Variants in SMYD3 observed in about 807,000 individuals in gnomAD.
SMYD3 encodes histone-lysine N-methyltransferase SMYD3.
Under a neutral mutation model 57.7 loss-of-function variants are expected in SMYD3, and 36 were observed. That is an observed-to-expected ratio of 0.62 (90% confidence interval 0.48 to 0.82). SMYD3 has a LOEUF of 0.82. Among genes scored for constraint, SMYD3 ranks in the 40% least tolerant of loss-of-function variants. SMYD3 has a pLI of 0.00. For synonymous variants in SMYD3, 211 were observed against 195.0 expected, an observed-to-expected ratio of 1.08 and a Z score of -0.68; for missense variants, 515 against 538.8, an observed-to-expected ratio of 0.96 and a Z score of 0.44.
intron 5 of SMYD3, chr1:246,326,180 A>G: frequency 2.4e-6 from 1 of 415,770 alleles, no homozygotes; most frequent in Non-Finnish European, 4.2e-6. Context: ...TAATGGCATA[A>G]ATATATCTTC....
intron 5 of SMYD3, among the ~76,000 whole-genome samples, chr1:246,070,499 A>G (rs1028383118): frequency 2.6e-5 from 4 of 152,234 alleles, no homozygotes; most frequent in African/African-American, 9.6e-5. Context: ...GACATCCAAA[A>G]TGATGAAAAG....
intron 5 of SMYD3, among the ~76,000 whole-genome samples, chr1:246,180,290 ATATATATATAAGTATATATATAAACTACT>A (rs1406557579): frequency 2.0e-3 from 287 of 145,360 alleles, no homozygotes; most frequent in South Asian, 0.013. Context: ...TAAACTACTT[ATATATATATAAGTATATATATAAACTACT>A]TATATATATA....
chr1:246,341,033 AT>A (rs2065625935), intron 2 of SMYD3, among the ~76,000 whole-genome samples: 1 of 152,214 alleles, frequency 6.6e-6, no homozygotes, highest in African/African-American at 2.4e-5. Context: ...GATGATTAAA[AT>A]ACTGAAAGTT....
At chr1:245,817,722 A>G (rs1572425249) in intron 10 of SMYD3, among the ~76,000 whole-genome samples, 1 of 152,080 alleles carries the variant, frequency 6.6e-6, no homozygotes, top group Admixed American at 6.5e-5. Flanking sequence ...GGAGCTGAAA[A>G]CCAAGGCTCG....
intron 2 of SMYD3, among the ~76,000 whole-genome samples, chr1:246,340,362 A>G (rs1277360344): frequency 1.1e-4 from 17 of 152,110 alleles, no homozygotes; most frequent in African/African-American, 2.4e-5. Flanking sequence ...AATGTCTCCA[A>G]TATACAAAAA....
intron 5 of SMYD3, chr1:245,956,006 A>T (rs976293945): frequency 2.0e-6 from 2 of 985,236 alleles, no homozygotes; most frequent in Non-Finnish European, 1.2e-6. Context: ...TTTCCATAGG[A>T]ACACTGTTTG....
intron 5 of SMYD3, among the ~76,000 whole-genome samples, chr1:246,065,124 G>T (rs1194527693): frequency 2.0e-5 from 3 of 152,206 alleles, no homozygotes; most frequent in African/African-American, 4.8e-5. Context: ...TTTAGAGGAG[G>T]TGAAACCTCA....
rs181149271 is a variant in SMYD3 at position 246,067,289 on chromosome 1, G to T, written c.532-137352C>A. On this transcript the variant is annotated intron_variant, in intron 5 of 11. Transcript: ENST00000490107. ...TACCAGACAGCCAGTGGGGGAGAAT[G>T]GTTTTATTTTGTTCTTAATTAGAAC... Among the ~76,000 whole-genome samples the T allele has an allele frequency of 2.6e-5, 4 of 152,238 alleles. No homozygotes were observed. The East Asian group carries it at 7.7e-4, about 29-fold the overall frequency.
intron 1 of SMYD3, among the ~76,000 whole-genome samples, chr1:246,392,733 C>T (rs2066592013): frequency 6.6e-6 from 1 of 151,428 alleles, no homozygotes. Context: ...TAGGTGTGAG[C>T]CCACCATGCC....
At chr1:246,096,584 T>G (rs974791193) in intron 5 of SMYD3, among the ~76,000 whole-genome samples, 6 of 152,202 alleles carry the variant, frequency 3.9e-5, no homozygotes, top group Non-Finnish European at 2.9e-5. Flanking sequence ...ATTGTACTTA[T>G]GGGAATGCTT....
At chr1:246,395,688 C>CGAACCCACCACAGTCAGACAGGGAAGAG (rs2066653141) in intron 1 of SMYD3, among the ~76,000 whole-genome samples, 2 of 70,354 alleles carry the variant, frequency 2.8e-5, no homozygotes, top group African/African-American at 6.1e-5. Context: ...ACAGGGAAGA[C>CGAACCCACCACAGTCAGACAGGGAAGAG]GAACCCACCA....
At chr1:246,181,025 C>A (rs1023006915) in intron 5 of SMYD3, among the ~76,000 whole-genome samples, 6 of 152,072 alleles carry the variant, frequency 3.9e-5, no homozygotes. Context: ...ATAAAGTGAT[C>A]ATTTAACTAT....
chr1:246,145,247 G>A (rs1558266260), intron 5 of SMYD3, among the ~76,000 whole-genome samples: 1 of 152,106 alleles, frequency 6.6e-6, no homozygotes, highest in Admixed American at 6.5e-5. Flanking sequence ...TGAGCTTCTG[G>A]TTCTTATTTG....
At chr1:246,127,269 C>T (rs2061523560) in intron 5 of SMYD3, among the ~76,000 whole-genome samples, 1 of 152,044 alleles carries the variant, frequency 6.6e-6, no homozygotes, top group East Asian at 1.9e-4. Flanking sequence ...GAGTCAACTG[C>T]AGCACCAAAC....
At chr1:246,087,532 A>G (rs2787952) in intron 5 of SMYD3, among the ~76,000 whole-genome samples, 124,704 of 152,132 alleles carry the variant, frequency 0.82, 51,592 homozygotes, top group Admixed American at 0.88. Flanking sequence ...TCAGAGGCTC[A>G]CACAAAAAAA....
chr1:246,507,230 C>T lies in SMYD3; in HGVS notation c.-13G>A. On this transcript the variant is annotated 5_prime_UTR_variant, in exon 1 of 12. Transcript: ENST00000490107. ...TCAGCGGCTCCATCCTCCCGCAGCT[C>T]CGGCACCTCAGACGGCTACCCGCGT... is the stretch of plus-strand genomic sequence containing the variant. 2.0e-6 allele frequency: 3 copies of T among 1,512,026 alleles called. No individual in the cohort carries two copies. The highest frequency in any genetic ancestry group is 2.7e-6 in the Non-Finnish European group (3 of 1,127,422). The allele number at this position is 1,512,026 out of a possible 1,614,324, so 93.7% of individuals were successfully genotyped here. A position where few individuals can be genotyped will look rare whatever the true frequency, so the allele number is the denominator to read the frequency against.
At chr1:245,934,473 T>C (rs1360397654) in intron 5 of SMYD3, among the ~76,000 whole-genome samples, 1 of 152,186 alleles carries the variant, frequency 6.6e-6, no homozygotes, top group Non-Finnish European at 1.5e-5. Context: ...CTTAAGAGAT[T>C]AAAAATTGTA....
chr1:245,861,083 T>G (rs1057322040), intron 9 of SMYD3, among the ~76,000 whole-genome samples: 11 of 152,364 alleles, frequency 7.2e-5, no homozygotes, highest in African/African-American at 2.6e-4. Flanking sequence ...CCAATTTCCC[T>G]TCACAATGCT....
chr1:245,813,590 C>A lies in SMYD3; in HGVS notation c.1076+44906G>T, dbSNP rs142482700. Reference sequence around the variant, plus strand: ...TCAACAAGGAGTCAGAAGGGCAAAACCCTGTCTAACTAATCTACTTCACCT... The same window carrying A: ...TCAACAAGGAGTCAGAAGGGCAAAAACCTGTCTAACTAATCTACTTCACCT... On this transcript the variant is annotated intron_variant, in intron 10 of 11. Transcript: ENST00000490107. Among the ~76,000 whole-genome samples the A allele has an allele frequency of 1.4e-4, 22 of 152,222 alleles. No individual in the cohort carries two copies. The East Asian group carries it at 3.9e-3, about 27-fold the overall frequency.
Sources: gnomAD v4.1 joint callset for allele counts (sites outside exome capture counted in the v4.1 genomes callset) on GRCh38, gnomAD v4.1.1 for gene constraint, MANE v1.5 for transcripts, NCBI Gene and HGNC (gene_info 2026-07-23, HGNC 2026-07-21) for gene names.